RANBP2: variants seen among roughly 807,000 people sequenced by gnomAD.
RANBP2 encodes the protein E3 SUMO-protein ligase RanBP2.
RANBP2 carries 57 observed loss-of-function variants against 303.6 expected under a neutral mutation model. The ratio of observed to expected loss-of-function variants is 0.19; its 90% CI spans 0.15 to 0.23. The LOEUF (loss-of-function observed/expected upper bound fraction) is 0.23, where lower values mean the gene tolerates loss of function less well. Among genes scored for constraint, RANBP2 ranks in the 10% least tolerant of loss-of-function variants. The probability of loss-of-function intolerance (pLI) is 1.00; values close to 1 mark genes in which losing one functional copy is unlikely to be tolerated. For synonymous variants in RANBP2, 1,167 were observed against 1,301.5 expected, an observed-to-expected ratio of 0.90 and a Z score of 2.23; for missense variants, 3,138 against 3,780.8, an observed-to-expected ratio of 0.83 and a Z score of 4.46.
chr2:109,340,144 T>C, the RANBP2 span, among the ~76,000 whole-genome samples: 5 of 152,264 alleles, frequency 3.3e-5, no homozygotes, highest in South Asian at 1.0e-3. Flanking sequence ...GGGTGATGTG[T>C]GTAGCTGGCA....
the RANBP2 span, among the ~76,000 whole-genome samples, chr2:109,692,256 TAAAAC>T: frequency 7.2e-6 from 1 of 139,468 alleles, no homozygotes; most frequent in African/African-American, 2.7e-5. Context: ...GGCAAACACA[TAAAAC>T]AGAAGGCAGA....
chr2:108,919,502 G>A, the RANBP2 span, among the ~76,000 whole-genome samples: 65 of 152,256 alleles, frequency 4.3e-4, no homozygotes, highest in African/African-American at 1.5e-3. Context: ...GGGATTACAG[G>A]CAGGCACCAC....
the RANBP2 span, among the ~76,000 whole-genome samples, chr2:109,535,283 T>G: frequency 6.6e-5 from 10 of 152,172 alleles, no homozygotes; most frequent in Non-Finnish European, 1.5e-4. Flanking sequence ...GGCAGAAAAG[T>G]GCACATGTAC....
intron 20 of RANBP2, among the ~76,000 whole-genome samples, chr2:108,771,438 CTA>C (rs1164601459): frequency 6.6e-6 from 1 of 151,974 alleles, no homozygotes; most frequent in Non-Finnish European, 1.5e-5. Flanking sequence ...TTTTCAATGA[CTA>C]TTAAGTAAAC....
the RANBP2 span, among the ~76,000 whole-genome samples, chr2:109,356,678 C>G: frequency 1.3e-4 from 20 of 152,188 alleles, no homozygotes; most frequent in Non-Finnish European, 2.5e-4. Flanking sequence ...CTGCTGAACA[C>G]TAGTAGTGAT....
At chr2:109,358,497 C>A in the RANBP2 span, among the ~76,000 whole-genome samples, 1 of 152,156 alleles carries the variant, frequency 6.6e-6, no homozygotes, top group Non-Finnish European at 1.5e-5. Context: ...AGTTGCTGGG[C>A]CATTTTGCAT....
downstream of RANBP2, chr2:108,786,785 C>G (rs771557786): frequency 1.3e-6 from 2 of 1,541,690 alleles, no homozygotes; most frequent in South Asian, 2.4e-5. Flanking sequence ...GTTTGATGAA[C>G]GCGGTTCCCG....
the RANBP2 span, among the ~76,000 whole-genome samples, chr2:109,476,782 C>T: frequency 6.6e-6 from 1 of 152,124 alleles, no homozygotes; most frequent in Non-Finnish European, 1.5e-5. Flanking sequence ...TGCTGGTTGC[C>T]CTTTTTTATG....
the RANBP2 span, among the ~76,000 whole-genome samples, chr2:109,378,248 A>C: frequency 1.3e-5 from 2 of 152,214 alleles, no homozygotes; most frequent in Admixed American, 1.3e-4. Flanking sequence ...GAGCTGGCTC[A>C]TATTCACAGT....
the RANBP2 span, among the ~76,000 whole-genome samples, chr2:109,253,410 T>C: frequency 2.4e-4 from 37 of 152,310 alleles, no homozygotes; most frequent in African/African-American, 8.7e-4. Flanking sequence ...ATAGGCTGTG[T>C]CCATGTGGTT....
chr2:108,737,319 T>TTTTCTTTC (rs1231181090), intron 6 of RANBP2, among the ~76,000 whole-genome samples: 6 of 150,686 alleles, frequency 4.0e-5, no homozygotes, highest in African/African-American at 9.8e-5. Flanking sequence ...GGGTTCCTTT[T>TTTTCTTTC]TTTCTTTCTT....
chr2:109,129,633 G>T, the RANBP2 span: 1,629 of 1,493,634 alleles, frequency 1.1e-3, 4 homozygotes, highest in South Asian at 1.5e-3. Context: ...GCGAGCGACG[G>T]CGGCGTCGGG....
At chr2:109,109,410 A>C in the RANBP2 span, among the ~76,000 whole-genome samples, 1 of 152,210 alleles carries the variant, frequency 6.6e-6, no homozygotes, top group Admixed American at 6.5e-5. Context: ...CTAGCTGTGA[A>C]TTTCATTCAG....
chr2:109,075,855 G>A, the RANBP2 span, among the ~76,000 whole-genome samples: 10 of 150,252 alleles, frequency 6.7e-5, no homozygotes, highest in African/African-American at 2.2e-4. Context: ...AAGAAAAATC[G>A]ATGGCTTTCA....
chr2:108,811,245 C>CTTTTTTTTTTTTTTTTTTTTTT, the RANBP2 span, among the ~76,000 whole-genome samples: 25 of 109,624 alleles, frequency 2.3e-4, 3 homozygotes, highest in African/African-American at 7.6e-4. Flanking sequence ...CTTTCTCTCT[C>CTTTTTTTTTTTTTTTTTTTTTT]TCTTTTTTTT....
chr2:109,217,883 G>T, the RANBP2 span, among the ~76,000 whole-genome samples: 6,792 of 152,258 alleles, frequency 0.045, 495 homozygotes, highest in African/African-American at 0.15. Flanking sequence ...CTCTGTTGTG[G>T]CCTGGCACAA....
the RANBP2 span, among the ~76,000 whole-genome samples, chr2:109,195,607 G>A: frequency 2.6e-5 from 4 of 152,282 alleles, no homozygotes; most frequent in Middle Eastern, 3.4e-3. Context: ...TTTTTGCATC[G>A]TTTTCTGGAA....
Position 108,764,891 on chromosome 2 carries a change from T to G in RANBP2, c.4352T>G (p.Phe1451Cys), listed in dbSNP as rs757956366. ...TKSANKSGSS[F>C]VHQASFKFGQ... ...TCTGCTAACAAAAGTGGATCTTCAT[T>G]TGTTCATCAAGCTTCATTTAAATTT... is the stretch of plus-strand genomic sequence containing the variant. Residue 1451 changes from phenylalanine (F) to cysteine (C), a missense_variant, in exon 20 of 29, where the codon TTT becomes TGT. Physicochemically the swap from Phe to Cys is radical, Grantham distance 205. Coordinates refer to ENST00000283195, the MANE Select transcript of RANBP2 (RefSeq NM_006267.5). 3 of 1,614,036 alleles carry G rather than the reference T, an allele frequency of 1.9e-6. No homozygotes were observed. In the Admixed American group the frequency reaches 5.0e-5, roughly 27 times the overall value.
At chr2:108,925,642 C>G in the RANBP2 span, among the ~76,000 whole-genome samples, 1 of 151,812 alleles carries the variant, frequency 6.6e-6, no homozygotes, top group Admixed American at 6.6e-5. Context: ...CCCCCTGAAA[C>G]AGTCTCCTTC....
Sources: gnomAD v4.1 joint callset for allele counts (sites outside exome capture counted in the v4.1 genomes callset) on GRCh38, gnomAD v4.1.1 for gene constraint, MANE v1.5 for transcripts, NCBI Gene and HGNC (gene_info 2026-07-23, HGNC 2026-07-21) for gene names.